FST: variants seen among roughly 807,000 people sequenced by gnomAD.
FST encodes the protein activin-binding protein.
Under a neutral mutation model 38.4 loss-of-function variants are expected in FST, and 6 were observed. The observed-to-expected ratio is 0.16, with a 90% CI of 0.09 to 0.31. FST has a LOEUF of 0.31. FST is among the 10% of genes least tolerant of loss of function. The pLI is 1.00. For synonymous variants in FST, 157 were observed against 169.8 expected (o/e 0.92, Z 0.59); for missense variants, 301 against 432.3 (o/e 0.70, Z 2.69).
In FST at chr5:53,480,802, C is replaced by T. The variant is rs772413605; in HGVS notation, c.11C>T (p.Ala4Val). MVR[A>V]RHQPGGLCLL... ...GCGCCTGCCCCCAGGATGGTCCGCG[C>T]GAGGCACCAGCCGGGTGGGCTTTGC... Residue 4 changes from alanine (A) to valine (V), a missense_variant, in exon 1 of 6, where the codon GCG becomes GTG. Physicochemically the swap from Ala to Val is moderately conservative, Grantham distance 64 (BLOSUM62 0). Transcript: ENST00000256759. The T allele has an allele frequency of 1.3e-6, 2 of 1,507,396 alleles. No individual in the cohort carries two copies. The highest frequency in any genetic ancestry group is 8.9e-7 in the Non-Finnish European group (1 of 1,123,874). The allele number at this position is 1,507,396 out of a possible 1,614,324, so 93.4% of individuals were successfully genotyped here.
At chr5:53,482,791 C>A (rs1316081737) in intron 1 of FST, 89 bp from the exon 2 acceptor site, 7 of 708,856 alleles carry the variant, frequency 9.9e-6, no homozygotes, top group Admixed American at 2.7e-5. Flanking sequence ...CCATCCCCGC[C>A]GGGTCTCCTT....
In FST at chr5:53,486,073, A is replaced by G; in HGVS notation, c.*40A>G. ...TTCAGTGTTGACATAGCCTTTGTGC[A>G]AAAAAAAAAAAAAAAAAAAAGAAAA... On this transcript the variant is annotated 3_prime_UTR_variant, in exon 6 of 6. Transcript: ENST00000256759. 8.7e-6 allele frequency: 1 copy of G among 114,638 alleles called. No homozygotes were observed. The highest frequency in any genetic ancestry group is 3.9e-5 in the African/African-American group (1 of 25,548). 7.1% of individuals were successfully genotyped at this position (114,638 alleles called of 1,614,324 possible). A position where few individuals can be genotyped will look rare whatever the true frequency, so the allele number is the denominator to read the frequency against.
chr5:53,480,923 G>C, intron 1 of FST, 47 bp downstream of exon 1: 1 of 1,113,946 alleles, frequency 9.0e-7, no homozygotes, highest in East Asian at 2.8e-5. Flanking sequence ...AGGACAGGGG[G>C]GTCGACTTTT....
At chr5:53,481,487 G>C (rs952155179) in intron 1 of FST, among the ~76,000 whole-genome samples, 37 of 41,788 alleles carry the variant, frequency 8.9e-4, no homozygotes, top group East Asian at 1.9e-3. Flanking sequence ...AAAAAAAAAA[G>C]CCAAATTATT....
rs1276094331 is a variant in FST at position 53,483,528 on chromosome 5, G to A, written c.302G>A (p.Gly101Glu). The A allele has an allele frequency of 6.2e-7, 1 of 1,614,096 alleles. No homozygotes were observed. The highest frequency in any genetic ancestry group is 1.7e-5 in the Admixed American group (1 of 60,032). Reference protein sequence around the residue: ...CKETCENVDCGPGKKCRMNKK... With the variant: ...CKETCENVDCEPGKKCRMNKK... ...GAAACGTGTGAGAACGTGGACTGTG[G>A]ACCTGGGAAAAAATGCCGAATGAAC... Residue 101 changes from glycine (G) to glutamate (E), a missense_variant, in exon 3 of 6, where the codon GGA becomes GAA. Physicochemically the swap from Gly to Glu is moderately conservative, Grantham distance 98 (BLOSUM62 -2). Transcript: ENST00000256759. The surrounding 1 kb of genome is among the most constrained non-coding windows in gnomAD (Gnocchi z 4.1).
chr5:53,484,729 T>TA (rs1048989046), intron 4 of FST, among the ~76,000 whole-genome samples: 10 of 152,144 alleles, frequency 6.6e-5, no homozygotes, highest in African/African-American at 2.4e-4. Flanking sequence ...ATCCTGTTCT[T>TA]AAAAAAATAC....
intron 5 of FST, chr5:53,485,538 C>A: frequency 1.5e-6 from 1 of 679,024 alleles, no homozygotes. Context: ...AAACTAACTG[C>A]TTCAAAAGTT....
At chr5:53,481,304 C>G (rs1420947396) in intron 1 of FST, among the ~76,000 whole-genome samples, 1 of 150,740 alleles carries the variant, frequency 6.6e-6, no homozygotes, top group Non-Finnish European at 1.5e-5. Context: ...AAAAGAAAAC[C>G]TGGGGGTTTG....
chr5:53,483,150 T>A lies in FST; in HGVS notation c.277+79T>A. 1.0e-6 allele frequency: 1 copy of A among 972,540 alleles called. No individual in the cohort carries two copies. The highest frequency in any genetic ancestry group is 1.6e-6 in the Non-Finnish European group (1 of 622,516). 60.2% of individuals were successfully genotyped at this position (972,540 alleles called of 1,614,324 possible). ...TAGCTTCCCCACTACCTGACTGGGGTTTGGGAGTAGGAGAGCTTTGTTCCT... is the reference window on the plus strand; with the variant it reads ...TAGCTTCCCCACTACCTGACTGGGGATTGGGAGTAGGAGAGCTTTGTTCCT... On this transcript the variant is annotated intron_variant, in intron 2 of 5. Transcript: ENST00000256759. This position sits in a 1 kb window ranked among gnomAD's most constrained non-coding sequence, Gnocchi z 4.1.
At chr5:53,484,346 T>C in intron 4 of FST, 53 bp downstream of exon 4, 2 of 1,566,374 alleles carry the variant, frequency 1.3e-6, no homozygotes, top group Non-Finnish European at 1.7e-6. Context: ...AGTTCTATTA[T>C]TAAACTGTGG....
intron 1 of FST, among the ~76,000 whole-genome samples, chr5:53,482,370 CCT>C (rs946105075): frequency 1.3e-5 from 2 of 150,594 alleles, no homozygotes; most frequent in African/African-American, 2.4e-5. Flanking sequence ...TCTCCTCTCT[CCT>C]CTCTCTCGTT....
Position 53,486,035 on chromosome 5 carries a change from C to T in FST, c.*2C>T, listed in dbSNP as rs780137487. On this transcript the variant is annotated 3_prime_UTR_variant, in exon 6 of 6. Transcript: ENST00000256759. ...ATATCTTCTATTCTAGAGTGGTAAA[C>T]TCTCTATAAGTGTTCAGTGTTGACA... is the stretch of plus-strand genomic sequence containing the variant. The T allele has an allele frequency of 1.0e-6, 1 of 981,910 alleles. No individual in the cohort carries two copies. The allele number at this position is 981,910 out of a possible 1,614,324, so 60.8% of individuals were successfully genotyped here.
rs977268314 is a variant in FST, at chr5:53,486,653, A to C, written c.*620A>C. 6.6e-6 allele frequency: 1 copy of C among 152,252 alleles called. No homozygotes were observed. The highest frequency in any genetic ancestry group is 1.5e-5 in the Non-Finnish European group (1 of 68,058). 9.4% of individuals were successfully genotyped at this position (152,252 alleles called of 1,614,324 possible). A position where few individuals can be genotyped will look rare whatever the true frequency, so the allele number is the denominator to read the frequency against. ...CAAAAGGCATTATAACTCTGACTCA[A>C]ATACAAGGTACAGAAGATAAGCATC... On this transcript the variant is annotated 3_prime_UTR_variant, in exon 6 of 6. Coordinates refer to ENST00000256759, the MANE Select transcript of FST (RefSeq NM_013409.3).
intron 1 of FST, 195 bp from the exon 2 acceptor site, chr5:53,482,679 CCCTCCA>C (rs1440796103): frequency 4.7e-5 from 25 of 533,488 alleles, no homozygotes; most frequent in African/African-American, 4.5e-4. Flanking sequence ...CAGGGCTTCC[CCCTCCA>C]CTGCCTTCTT....
At position 53,485,105 on chromosome 5, in the gene FST, G is replaced by A. The variant is rs772915875; in HGVS notation, c.830G>A (p.Ser277Asn). Residue 277 changes from serine (S) to asparagine (N), a missense_variant, in exon 5 of 6, where the codon AGT (serine) becomes AAT (asparagine). Ser to Asn is a conservative substitution (Grantham distance 46, BLOSUM62 1). Coordinates refer to ENST00000256759, the MANE Select transcript of FST (RefSeq NM_013409.3). ...CTCTGTGATGAGCTGTGCCCTGACAGTAAGTCGGATGAGCCTGTCTGTGCC... is the reference window on the plus strand; with the variant it reads ...CTCTGTGATGAGCTGTGCCCTGACAATAAGTCGGATGAGCCTGTCTGTGCC... ...CSLCDELCPD[S>N]KSDEPVCASD... The A allele has an allele frequency of 1.2e-5, 20 of 1,612,006 alleles. No homozygotes were observed. The Middle Eastern group carries it at 6.6e-4, about 53-fold the overall frequency.
intron 5 of FST, 185 bp from the exon 6 acceptor site, chr5:53,485,766 A>T (rs540973269): frequency 7.0e-5 from 111 of 1,593,494 alleles, no homozygotes; most frequent in East Asian, 3.6e-4. Context: ...GCTTTAAAAA[A>T]ATTTTTTTAA....
At chr5:53,481,488 C>CAAAAAAAA (rs1747211810) in intron 1 of FST, among the ~76,000 whole-genome samples, 1 of 48,180 alleles carries the variant, frequency 2.1e-5, no homozygotes, top group Admixed American at 2.0e-4. Context: ...AAAAAAAAAG[C>CAAAAAAAA]CAAATTATTA....
intron 1 of FST, 94 bp from the exon 2 acceptor site, chr5:53,482,786 C>T: frequency 1.4e-6 from 1 of 693,248 alleles, no homozygotes; most frequent in South Asian, 1.9e-5. Context: ...CCTCCCCATC[C>T]CCGCCGGGTC....
chr5:53,483,082 T>A lies in FST; in HGVS notation c.277+11T>A. 1 of 1,598,018 alleles carries A rather than the reference T, an allele frequency of 6.3e-7. No homozygotes were observed. Among genetic ancestry groups the A allele is most frequent in the Non-Finnish European group, 8.6e-7 (1 of 1,167,480 alleles). The stretch of plus-strand genomic sequence containing the variant: ...GCATCCCCTGTAAAGGTAGGACTCC[T>A]TCTTCCCAACTTGCAGGCCCTCAGT... On this transcript the variant is annotated intron_variant, in intron 2 of 5. Transcript: ENST00000256759. This position sits in a 1 kb window ranked among gnomAD's most constrained non-coding sequence, Gnocchi z 4.1.
Sources: gnomAD v4.1 joint callset for allele counts (sites outside exome capture counted in the v4.1 genomes callset) on GRCh38, gnomAD v4.1.1 for gene constraint, Gnocchi (gnomAD v3.1) non-coding constraint, MANE v1.5 for transcripts, NCBI Gene and HGNC (gene_info 2026-07-23, HGNC 2026-07-21) for gene names.